KLHL1: variants seen among roughly 807,000 people sequenced by gnomAD.
The protein encoded by KLHL1 is kelch like family member 1.
Under a neutral mutation model 77.7 loss-of-function variants are expected in KLHL1, and 47 were observed. That is an observed-to-expected ratio of 0.60 (90% CI 0.48 to 0.77). KLHL1 has a LOEUF of 0.77. Ranked by LOEUF, KLHL1 falls within the 30% of genes least tolerant of loss-of-function variation. The pLI is 0.00. For synonymous variants in KLHL1, 360 were observed against 325.2 expected, an observed-to-expected ratio of 1.11 and a Z score of -1.15; for missense variants, 925 against 910.8, an observed-to-expected ratio of 1.02 and a Z score of -0.20.
chr13:69,945,623 C>G (rs559951326), intron 3 of KLHL1, among the ~76,000 whole-genome samples: 11 of 152,190 alleles, frequency 7.2e-5, no homozygotes, highest in South Asian at 6.2e-4. Context: ...ATGATTTATA[C>G]AGACATCCCA....
chr13:70,022,182 T>C (rs573866225), intron 1 of KLHL1, among the ~76,000 whole-genome samples: 2 of 152,086 alleles, frequency 1.3e-5, no homozygotes, highest in East Asian at 3.9e-4. Context: ...TTATATACTT[T>C]TCTTTAGATG....
At chr13:69,813,465 C>G (rs118095685) in intron 6 of KLHL1, among the ~76,000 whole-genome samples, 6 of 143,132 alleles carry the variant, frequency 4.2e-5, no homozygotes, top group African/African-American at 1.6e-4. Context: ...AAAATACACA[C>G]ATATATACAC....
At chr13:70,020,681 A>C (rs907843899) in intron 1 of KLHL1, among the ~76,000 whole-genome samples, 8 of 152,128 alleles carry the variant, frequency 5.3e-5, no homozygotes, top group Non-Finnish European at 7.4e-5. Context: ...CAGTCATCAC[A>C]AGTCGGCTGA....
intron 3 of KLHL1, among the ~76,000 whole-genome samples, chr13:69,959,099 C>T (rs930345489): frequency 2.6e-5 from 4 of 151,986 alleles, no homozygotes; most frequent in African/African-American, 9.7e-5. Flanking sequence ...GAGCACAGGC[C>T]AAAGTGGCAG....
rs74368919 is a variant in KLHL1, at chr13:70,091,264, C to T, written c.497+15939G>A. On this transcript the variant is annotated intron_variant, in intron 1 of 10. Coordinates refer to ENST00000377844, the MANE Select transcript of KLHL1 (RefSeq NM_020866.3). ...TACCTACTTTGTCAATGTCTTCTTTCTCTATCTTGAACCCTTTCTTTTTAT... is the reference window on the plus strand; with the variant it reads ...TACCTACTTTGTCAATGTCTTCTTTTTCTATCTTGAACCCTTTCTTTTTAT... Among the ~76,000 whole-genome samples, 1,072 of 152,130 alleles carry T rather than the reference C, an allele frequency of 7.0e-3. 13 individuals are homozygous for T. Among genetic ancestry groups the T allele is most frequent in the African/African-American group, 0.023 (968 of 41,512 alleles).
chr13:70,010,868 G>T (rs9572334), intron 1 of KLHL1, among the ~76,000 whole-genome samples: 6 of 150,484 alleles, frequency 4.0e-5, no homozygotes, highest in East Asian at 1.9e-4. Context: ...CTCCAGCCTG[G>T]GCAACAAAAG....
At chr13:70,020,616 A>G (rs1362343402) in intron 1 of KLHL1, among the ~76,000 whole-genome samples, 1 of 152,078 alleles carries the variant, frequency 6.6e-6, no homozygotes, top group Non-Finnish European at 1.5e-5. Context: ...GGAGAGCAGA[A>G]GCTGTACCTT....
intron 3 of KLHL1, among the ~76,000 whole-genome samples, chr13:69,950,060 A>G (rs1358337671): frequency 6.6e-6 from 1 of 151,698 alleles, no homozygotes; most frequent in Non-Finnish European, 1.5e-5. Flanking sequence ...CATGTCATAC[A>G]TGCCTTCCAC....
chr13:70,036,352 TATG>T (rs1886238369), intron 1 of KLHL1, among the ~76,000 whole-genome samples: 1 of 152,030 alleles, frequency 6.6e-6, no homozygotes, highest in Non-Finnish European at 1.5e-5. Flanking sequence ...CATGTTCATA[TATG>T]AAGAAAATCA....
chr13:69,716,461 G>A (rs1593767904), intron 9 of KLHL1, among the ~76,000 whole-genome samples: 1 of 152,206 alleles, frequency 6.6e-6, no homozygotes, highest in East Asian at 1.9e-4. Context: ...TTGGTACAGA[G>A]AAATAAAACT....
intron 7 of KLHL1, among the ~76,000 whole-genome samples, chr13:69,789,017 CTCTA>C (rs10542087): frequency 0.26 from 38,837 of 150,132 alleles, 5,142 homozygotes; most frequent in East Asian, 0.42. Flanking sequence ...CTCCACAGGA[CTCTA>C]TCTATCTATC....
In KLHL1 at chr13:69,992,019, C is replaced by T. The variant is rs140800225; in HGVS notation, c.498-16217G>A. Among the ~76,000 whole-genome samples the T allele has an allele frequency of 1.5e-3, 234 of 152,070 alleles. 2 individuals carry two copies. The highest frequency in any genetic ancestry group is 5.5e-3 in the African/African-American group (227 of 41,518). ...CTTGCTAGGAATGCAAAGTACTAGG[C>T]ACCACCTCAGACCTAATGAATCAAG... On this transcript the variant is annotated intron_variant, in intron 1 of 10. Transcript: ENST00000377844.
At chr13:69,860,743 C>G (rs1053912037) in intron 5 of KLHL1, among the ~76,000 whole-genome samples, 6 of 131,410 alleles carry the variant, frequency 4.6e-5, no homozygotes, top group African/African-American at 1.9e-4. Context: ...TTTACAAATT[C>G]TATTTAAGAT....
intron 1 of KLHL1, among the ~76,000 whole-genome samples, chr13:70,008,933 A>G (rs1455175387): frequency 6.6e-6 from 1 of 152,090 alleles, no homozygotes; most frequent in Non-Finnish European, 1.5e-5. Flanking sequence ...AATACAATGC[A>G]CTTCTCTCTC....
intron 7 of KLHL1, among the ~76,000 whole-genome samples, chr13:69,757,791 A>AC (rs376902247): frequency 2.2e-5 from 2 of 91,184 alleles, no homozygotes; most frequent in Non-Finnish European, 5.2e-5. Context: ...TCTCGTCCCT[A>AC]CTAAAAATGC....
intron 3 of KLHL1, among the ~76,000 whole-genome samples, chr13:69,958,485 C>T (rs1274528915): frequency 6.6e-6 from 1 of 151,684 alleles, no homozygotes; most frequent in Non-Finnish European, 1.5e-5. Flanking sequence ...TTATCTCAAA[C>T]ATTCATTCTA....
At chr13:69,847,148 T>C (rs1340393771) in intron 5 of KLHL1, among the ~76,000 whole-genome samples, 2 of 151,390 alleles carry the variant, frequency 1.3e-5, no homozygotes, top group Non-Finnish European at 3.0e-5. Context: ...AATACTATCA[T>C]AAGTAAACAA....
chr13:69,942,331 G>A (rs1883389318), intron 3 of KLHL1, among the ~76,000 whole-genome samples: 1 of 151,776 alleles, frequency 6.6e-6, no homozygotes, highest in African/African-American at 2.4e-5. Context: ...TAAGACTTTA[G>A]GAAAAATGTA....
chr13:69,901,761 AT>A (rs1167576638), intron 4 of KLHL1, among the ~76,000 whole-genome samples: 1 of 151,166 alleles, frequency 6.6e-6, no homozygotes, highest in Non-Finnish European at 1.5e-5. Flanking sequence ...GTGGAGCACA[AT>A]GAGTTTTTCA....
Sources: allele counts gnomAD v4.1 joint callset (sites outside exome capture counted in the v4.1 genomes callset), GRCh38; gene constraint gnomAD v4.1.1; transcripts MANE v1.5; gene names NCBI Gene and HGNC (gene_info 2026-07-23, HGNC 2026-07-21).